The following TRPC5OS variants were observed in gnomAD, a reference collection of about 807,000 sequenced individuals.
TRPC5OS encodes the protein TRPC5 opposite strand.
For missense variants in TRPC5OS, 64 were observed against 79.3 expected, an observed-to-expected ratio of 0.81 and a Z score of 0.73; for synonymous variants, 30 against 29.3, an observed-to-expected ratio of 1.02 and a Z score of -0.08.
rs1292292035 is a variant in TRPC5OS, at chrX:111,902,017, C to T, written c.168C>T (p.Pro56=). The T allele has an allele frequency of 7.8e-6, 9 of 1,153,571 alleles. No individual in the cohort carries two copies. Among genetic ancestry groups the T allele is most frequent in the East Asian group, 6.5e-5 (2 of 30,661 alleles). Residue 56 remains proline, a synonymous_variant, in exon 4 of 4, where the codon CCC becomes CCT. Transcript: ENST00000635763. ...AGACTGAAGCAGATGCACCTCTTCC[C>T]GAGGAGCCTTCGCTACCTGATCTCC... ...AEETEADAPL[P]EEPSLPDLPD... is the part of the protein sequence containing the mutation.
chrX:111,896,903 G>A (rs1260967449), intron 3 of TRPC5OS, among the ~76,000 whole-genome samples: 1 of 111,636 alleles, frequency 9.0e-6, no homozygotes, highest in Non-Finnish European at 1.9e-5. Flanking sequence ...TTTATTGTGA[G>A]GATTAAATGT....
chrX:111,900,783 T>A (rs1473985741), intron 3 of TRPC5OS, among the ~76,000 whole-genome samples: 1 of 111,843 alleles, frequency 8.9e-6, no homozygotes, highest in Non-Finnish European at 1.9e-5. Flanking sequence ...ATGAGTGATA[T>A]CAAAATATTA....
At chrX:111,879,143 A>T (rs1281199981) in intron 1 of TRPC5OS, among the ~76,000 whole-genome samples, 1 of 112,264 alleles carries the variant, frequency 8.9e-6, no homozygotes, top group Non-Finnish European at 1.9e-5. Context: ...TTTTCAAAGC[A>T]TCTTTCAAAT....
At chrX:111,879,732 A>G (rs950354326) in intron 1 of TRPC5OS, among the ~76,000 whole-genome samples, 31 of 112,702 alleles carry the variant, frequency 2.8e-4, no homozygotes, top group African/African-American at 8.7e-4. Flanking sequence ...CATGATTAGT[A>G]TCTATCCTCT....
intron 1 of TRPC5OS, among the ~76,000 whole-genome samples, chrX:111,894,666 T>G (rs1924971077): frequency 8.9e-6 from 1 of 112,033 alleles, no homozygotes; most frequent in South Asian, 3.8e-4. Context: ...GGTAAGACTC[T>G]TATCACTGTC....
rs779533620 is a variant in TRPC5OS at position 111,901,618 on chromosome X, A to G, written c.-232A>G. On this transcript the variant is annotated 5_prime_UTR_variant, in exon 4 of 4. Transcript: ENST00000635763. ...ACAGCAGTTCACCATTAGTACAAAC[A>G]AGAGTACCATACATAAATTCTGTGC... The G allele has an allele frequency of 3.4e-6, 1 of 293,763 alleles. No homozygotes were observed. The highest frequency in any genetic ancestry group is 2.7e-5 in the African/African-American group (1 of 36,460). 24.2% of individuals were successfully genotyped at this position (293,763 alleles called of 1,213,427 possible). A position where few individuals can be genotyped will look rare whatever the true frequency, so the allele number is the denominator to read the frequency against.
At chrX:111,893,566 C>T (rs557521943) in intron 1 of TRPC5OS, among the ~76,000 whole-genome samples, 346 of 112,250 alleles carry the variant, frequency 3.1e-3, no homozygotes, top group South Asian at 0.015. Flanking sequence ...TTTTTCTCTG[C>T]AGCAATGAAC....
intron 1 of TRPC5OS, among the ~76,000 whole-genome samples, chrX:111,883,582 T>C (rs1924333244): frequency 8.9e-6 from 1 of 112,704 alleles, no homozygotes; most frequent in South Asian, 3.7e-4. Context: ...CTAAACATAG[T>C]TAAGAGCCTG....
At chrX:111,882,848 G>A (rs1924291094) in intron 1 of TRPC5OS, among the ~76,000 whole-genome samples, 1 of 112,031 alleles carries the variant, frequency 8.9e-6, no homozygotes, top group Non-Finnish European at 1.9e-5. Flanking sequence ...CACTTTGGGA[G>A]GCCAAGGCAG....
At chrX:111,876,592 C>T (rs765587700) in intron 1 of TRPC5OS, among the ~76,000 whole-genome samples, 1 of 111,580 alleles carries the variant, frequency 9.0e-6, no homozygotes, top group Non-Finnish European at 1.9e-5. Context: ...CAGTTAAGAC[C>T]TAATGCCCTG....
intron 1 of TRPC5OS, among the ~76,000 whole-genome samples, chrX:111,878,602 C>G (rs977208195): frequency 9.0e-6 from 1 of 111,493 alleles, no homozygotes; most frequent in African/African-American, 3.3e-5. Flanking sequence ...TAGTATTTCC[C>G]CAGCCTCTAC....
At chrX:111,899,775 G>A (rs888547218) in intron 3 of TRPC5OS, among the ~76,000 whole-genome samples, 2 of 111,308 alleles carry the variant, frequency 1.8e-5, no homozygotes, top group African/African-American at 6.5e-5. Context: ...CTAAATAAAT[G>A]CCAAATTCCT....
In TRPC5OS at chrX:111,894,947, T is replaced by C. The variant is rs181176616; in HGVS notation, c.-545-1004T>C. Among the ~76,000 whole-genome samples the C allele has an allele frequency of 1.0e-3, 114 of 111,020 alleles. No individual in the cohort carries two copies. In the South Asian group the frequency reaches 0.015, roughly 15 times the overall value. ...TTTGTGTGCCTGTTCTTGGATTTCATGTAAATGTAGTGATATGGTAGCTAA... is the reference window on the plus strand; with the variant it reads ...TTTGTGTGCCTGTTCTTGGATTTCACGTAAATGTAGTGATATGGTAGCTAA... On this transcript the variant is annotated intron_variant, in intron 1 of 3. Coordinates refer to ENST00000635763, the MANE Select transcript of TRPC5OS (RefSeq NM_001195578.2).
At chrX:111,899,777 CA>C (rs1242104103) in intron 3 of TRPC5OS, among the ~76,000 whole-genome samples, 9 of 111,274 alleles carry the variant, frequency 8.1e-5, no homozygotes, top group Non-Finnish European at 1.5e-4. Context: ...AAATAAATGC[CA>C]AATTCCTTTC....
chrX:111,879,918 AT>A (rs11312709), intron 1 of TRPC5OS, among the ~76,000 whole-genome samples: 14,731 of 106,351 alleles, frequency 0.14, 2,386 homozygotes, highest in African/African-American at 0.46. Context: ...GTTCCTCTTC[AT>A]TTTTTTTTTT....
chrX:111,880,007 C>T (rs1245677674), intron 1 of TRPC5OS, among the ~76,000 whole-genome samples: 1 of 110,828 alleles, frequency 9.0e-6, no homozygotes, highest in Non-Finnish European at 1.9e-5. Context: ...CTCAGAATGA[C>T]GTGGTAGTGG....
At chrX:111,885,583 T>C (rs1924452218) in intron 1 of TRPC5OS, among the ~76,000 whole-genome samples, 1 of 110,375 alleles carries the variant, frequency 9.1e-6, no homozygotes, top group Admixed American at 9.6e-5. Context: ...TTCTTTGTCT[T>C]GGAGTTCATG....
rs182170209 is a variant in TRPC5OS, at chrX:111,878,762, C to T, written c.-546+2489C>T. On this transcript the variant is annotated intron_variant, in intron 1 of 3. Coordinates refer to ENST00000635763, the MANE Select transcript of TRPC5OS (RefSeq NM_001195578.2). ...GAACAACTGCTTTAGGTGATCTGGG[C>T]CTAGTCTGTTTATCCCTTTGTCCTT... 2.2e-3 allele frequency among the ~76,000 whole-genome samples: 246 copies of T among 111,554 alleles called. 1 individual carries two copies. The highest frequency in any genetic ancestry group is 7.8e-3 in the African/African-American group (240 of 30,654).
Position 111,886,324 on chromosome X carries a change from A to T in TRPC5OS, c.-545-9627A>T, listed in dbSNP as rs1373451485. On this transcript the variant is annotated intron_variant, in intron 1 of 3. Coordinates refer to ENST00000635763, the MANE Select transcript of TRPC5OS (RefSeq NM_001195578.2). ...TTTCTTCCATCCGGCCTACTTCCTC[A>T]GTGTCAGATACTTCAGTACATACCC... is the stretch of plus-strand genomic sequence containing the variant. 1.3e-4 allele frequency among the ~76,000 whole-genome samples: 15 copies of T among 112,397 alleles called. No individual in the cohort carries two copies. The Admixed American group carries it at 1.4e-3, about 11-fold the overall frequency.
Sources: allele counts gnomAD v4.1 joint callset (sites outside exome capture counted in the v4.1 genomes callset), GRCh38; gene constraint gnomAD v4.1.1; transcripts MANE v1.5; gene names NCBI Gene and HGNC (gene_info 2026-07-23, HGNC 2026-07-21).